Variants in SNX8 observed in about 807,000 individuals in gnomAD.
SNX8 encodes the protein sorting nexin-8.
Under a neutral mutation model 51.6 loss-of-function variants are expected in SNX8, and 25 were observed. The ratio of observed to expected loss-of-function variants is 0.48; its 90% CI spans 0.35 to 0.68. The LOEUF (loss-of-function observed/expected upper bound fraction) is 0.68, where lower values mean the gene tolerates loss of function less well. SNX8 is among the 30% of genes least tolerant of loss of function. The pLI, the probability that SNX8 is intolerant of heterozygous loss-of-function variation, is 0.00. For missense variants in SNX8, 695 were observed against 624.0 expected (o/e 1.11, Z -1.21); for synonymous variants, 324 against 277.0 (o/e 1.17, Z -1.68).
chr7:2,309,687 C>T (rs930471272), intron 1 of SNX8: 16 of 421,252 alleles, frequency 3.8e-5, no homozygotes, highest in East Asian at 7.2e-5. Flanking sequence ...GCCGAGATCG[C>T]GCCATCGCAC....
At chr7:2,312,210 C>G (rs1179835665) in intron 1 of SNX8, among the ~76,000 whole-genome samples, 1 of 152,148 alleles carries the variant, frequency 6.6e-6, no homozygotes. Context: ...GGCGGTCTCC[C>G]AGAGACACAG....
intron 1 of SNX8, among the ~76,000 whole-genome samples, chr7:2,329,851 A>G (rs1347583465): frequency 6.7e-6 from 1 of 149,792 alleles, no homozygotes; most frequent in African/African-American, 2.5e-5. Context: ...TTTTTGAGAC[A>G]AAGTCTCGCT....
intron 1 of SNX8, among the ~76,000 whole-genome samples, chr7:2,320,000 C>A (rs1796808588): frequency 6.6e-6 from 1 of 152,034 alleles, no homozygotes; most frequent in Non-Finnish European, 1.5e-5. Flanking sequence ...AACAAACAAA[C>A]AAAAAACCGT....
At chr7:2,334,854 T>TA (rs1013732756) in intron 1 of SNX8, among the ~76,000 whole-genome samples, 2 of 101,406 alleles carry the variant, frequency 2.0e-5, no homozygotes, top group African/African-American at 8.1e-5. Context: ...GGCAACAGAG[T>TA]AAGAGCCCAT....
chr7:2,256,760 C>T (rs1269960658), intron 10 of SNX8, 114 bp downstream of exon 10: 4 of 1,049,922 alleles, frequency 3.8e-6, no homozygotes, highest in Non-Finnish European at 5.4e-6. Flanking sequence ...GAGCCCAACT[C>T]CACTAAAGAA....
In SNX8 at chr7:2,278,255, G is replaced by C. The variant is rs889234966; in HGVS notation, c.145C>G (p.Pro49Ala). The C allele has an allele frequency of 1.2e-6, 2 of 1,607,518 alleles. No homozygotes were observed. Among genetic ancestry groups the C allele is most frequent in the African/African-American group, 2.7e-5 (2 of 74,832 alleles). Residue 49 changes from proline to alanine, a missense_variant, in exon 2 of 11, where the codon CCA (proline) becomes GCA (alanine). Coordinates refer to ENST00000222990, the MANE Select transcript of SNX8 (RefSeq NM_013321.4). The stretch of plus-strand genomic sequence containing the variant: ...GGCATCTGCATTCGACTGGGGGCTG[G>C]GACCTGCTGCACGATGGCCTGGGGC... ...IEPQAIVQQV[P>A]APSRMQMPQG...
chr7:2,254,645 G>C lies in SNX8; in HGVS notation c.*411C>G, dbSNP rs1018614095. ...TGGTCAGTCCCATGCCTGGGCTGCA[G>C]GGCAGCCCTGCCCTCTCTCCTCGGC... On this transcript the variant is annotated 3_prime_UTR_variant, in exon 11 of 11. Transcript: ENST00000222990. The C allele has an allele frequency of 4.8e-6, 1 of 209,492 alleles. No individual in the cohort carries two copies. Among genetic ancestry groups the C allele is most frequent in the African/African-American group, 2.3e-5 (1 of 42,762 alleles). The allele number at this position is 209,492 out of a possible 1,614,324, so 13.0% of individuals were successfully genotyped here. A position where few individuals can be genotyped will look rare whatever the true frequency, so the allele number is the denominator to read the frequency against.
chr7:2,277,810 GAA>G (rs35629553), intron 2 of SNX8, among the ~76,000 whole-genome samples: 10 of 146,492 alleles, frequency 6.8e-5, no homozygotes, highest in South Asian at 2.2e-4. Context: ...CCACATCGGG[GAA>G]AAAAAAAAAA....
chr7:2,279,404 G>C (rs184403879), intron 1 of SNX8, among the ~76,000 whole-genome samples: 9 of 152,236 alleles, frequency 5.9e-5, no homozygotes, highest in Admixed American at 1.3e-4. Context: ...GTCAACGCTG[G>C]ACCCACTCAC....
intron 2 of SNX8, among the ~76,000 whole-genome samples, chr7:2,276,233 C>T (rs980281272): frequency 6.6e-6 from 1 of 152,198 alleles, no homozygotes; most frequent in Non-Finnish European, 1.5e-5. Flanking sequence ...GCCTCACCCC[C>T]AGGCTGCCAG....
At chr7:2,331,184 C>CAAAAAAAAAAAAAA (rs71023397) in intron 1 of SNX8, among the ~76,000 whole-genome samples, 1 of 76,592 alleles carries the variant, frequency 1.3e-5, no homozygotes, top group African/African-American at 5.6e-5. Context: ...GACTCTGTCT[C>CAAAAAAAAAAAAAA]AAAAAAAAAA....
At chr7:2,330,133 TTTTTC>T (rs1778702986) in intron 1 of SNX8, among the ~76,000 whole-genome samples, 1 of 124,948 alleles carries the variant, frequency 8.0e-6, no homozygotes, top group Admixed American at 9.0e-5. Context: ...GCCCGGCCCT[TTTTTC>T]TTTTTTTTTT....
intron 5 of SNX8, among the ~76,000 whole-genome samples, chr7:2,265,993 G>C (rs1275391635): frequency 6.6e-6 from 1 of 152,200 alleles, no homozygotes; most frequent in Admixed American, 6.5e-5. Context: ...GTGCATGCCT[G>C]TGGTCCCAGC....
intron 2 of SNX8, among the ~76,000 whole-genome samples, chr7:2,275,944 G>A (rs1412184746): frequency 6.6e-6 from 1 of 150,906 alleles, no homozygotes; most frequent in Non-Finnish European, 1.5e-5. Context: ...CTTGCGGTGA[G>A]CTGAGATCAC....
At chr7:2,282,708 G>C (rs1226148658) in intron 1 of SNX8, among the ~76,000 whole-genome samples, 3 of 152,208 alleles carry the variant, frequency 2.0e-5, no homozygotes, top group Middle Eastern at 3.2e-3. Flanking sequence ...CGGGCGCAGT[G>C]GCTCACGCCT....
At chr7:2,256,191 G>A (rs1319679221) in intron 10 of SNX8, among the ~76,000 whole-genome samples, 1 of 152,070 alleles carries the variant, frequency 6.6e-6, no homozygotes, top group Non-Finnish European at 1.5e-5. Flanking sequence ...CCCCACCACG[G>A]CCGCCTCCAG....
At chr7:2,325,302 G>A (rs1778602734) in intron 1 of SNX8, among the ~76,000 whole-genome samples, 1 of 152,176 alleles carries the variant, frequency 6.6e-6, no homozygotes, top group Non-Finnish European at 1.5e-5. Context: ...CATCACGCCA[G>A]CGGCAGTGGA....
chr7:2,294,527 C>T (rs970760202), intron 1 of SNX8, among the ~76,000 whole-genome samples: 1 of 152,150 alleles, frequency 6.6e-6, no homozygotes, highest in South Asian at 2.1e-4. Flanking sequence ...GGAGGCCCAG[C>T]GGGTGATGAC....
At chr7:2,332,133 G>A (rs1209064024) in intron 1 of SNX8, among the ~76,000 whole-genome samples, 7 of 151,512 alleles carry the variant, frequency 4.6e-5, no homozygotes, top group African/African-American at 7.3e-5. Flanking sequence ...CTTGAGCCTC[G>A]GAAGCAAAGG....
Sources: gnomAD v4.1 joint callset for allele counts (sites outside exome capture counted in the v4.1 genomes callset) on GRCh38, gnomAD v4.1.1 for gene constraint, MANE v1.5 for transcripts, NCBI Gene and HGNC (gene_info 2026-07-23, HGNC 2026-07-21) for gene names.